Variants in OXNAD1 observed in about 807,000 individuals in gnomAD.
OXNAD1 encodes oxidoreductase NAD binding domain containing 1.
OXNAD1 carries 34 observed loss-of-function variants against 32.9 expected under a neutral mutation model. The ratio of observed to expected loss-of-function variants is 1.03; its 90% CI spans 0.79 to 1.38. The LOEUF (loss-of-function observed/expected upper bound fraction) is 1.38, where lower values mean the gene tolerates loss of function less well. Ranked by LOEUF, OXNAD1 falls within the 40% of genes most tolerant of loss-of-function variation. The pLI, the probability that OXNAD1 is intolerant of heterozygous loss-of-function variation, is 0.00. For synonymous variants in OXNAD1, 134 were observed against 135.2 expected (o/e 0.99, Z 0.06); for missense variants, 407 against 379.4 (o/e 1.07, Z -0.60).
intron 9 of OXNAD1, among the ~76,000 whole-genome samples, chr3:16,318,596 G>A (rs1437345146): frequency 2.8e-5 from 4 of 140,492 alleles, no homozygotes; most frequent in African/African-American, 9.9e-5. Flanking sequence ...ACAGAATTCT[G>A]AGATTTAATA....
chr3:16,271,173 CT>C lies in OXNAD1; in HGVS notation c.119+104del. 7.3e-7 allele frequency: 1 copy of C among 1,365,380 alleles called. No homozygotes were observed. The allele number at this position is 1,365,380 out of a possible 1,614,324, so 84.6% of individuals were successfully genotyped here. Reference sequence around the variant, plus strand: ...TATCAAACTCCCGGAAAGGTAACACCTTAGCTTCAATGTGCATGCTGTCAGG... The same window carrying C: ...TATCAAACTCCCGGAAAGGTAACACCTAGCTTCAATGTGCATGCTGTCAGG... On this transcript the variant is annotated intron_variant, in intron 3 of 8. Transcript: ENST00000285083. The surrounding 1 kb of genome is among the most constrained non-coding windows in gnomAD (Gnocchi z 4.6).
intron 9 of OXNAD1, among the ~76,000 whole-genome samples, chr3:16,330,616 C>T (rs1409414908): frequency 2.6e-5 from 4 of 152,208 alleles, no homozygotes; most frequent in Non-Finnish European, 4.4e-5. Flanking sequence ...GTGGTGGATA[C>T]GTAATCTCCG....
Position 16,314,409 on chromosome 3 carries a change from G to A in OXNAD1, c.*30+10817G>A, listed in dbSNP as rs2068190157. On this transcript the variant is annotated intron_variant, in intron 9 of 9. Coordinates refer to the OXNAD1 transcript ENST00000435829. This position sits in a 1 kb window ranked among gnomAD's most constrained non-coding sequence, Gnocchi z 4.4. ...TCAACTGACAGAGACCCTGTGGCCA[G>A]TGGTATTCAACTTTGGCTGCACCTA... 1 of 152,176 alleles carries A rather than the reference G, an allele frequency of 6.6e-6. No individual in the cohort carries two copies. Among genetic ancestry groups the A allele is most frequent in the Non-Finnish European group, 1.5e-5 (1 of 68,042 alleles). 9.4% of individuals were successfully genotyped at this position (152,176 alleles called of 1,614,324 possible). A position where few individuals can be genotyped will look rare whatever the true frequency, so the allele number is the denominator to read the frequency against.
intron 4 of OXNAD1, chr3:16,272,251 A>C (rs1423542338): frequency 2.4e-6 from 1 of 418,802 alleles, no homozygotes; most frequent in Non-Finnish European, 4.7e-6. Flanking sequence ...TATTCAGACT[A>C]TAGAAAGCTA....
chr3:16,310,250 G>C (rs1185921056), downstream of OXNAD1, among the ~76,000 whole-genome samples: 3 of 152,300 alleles, frequency 2.0e-5, no homozygotes, highest in African/African-American at 4.8e-5. Context: ...TGTGGACCTA[G>C]AAACTGGTAA....
At chr3:16,276,575 TA>T (rs1317384757) in intron 4 of OXNAD1, 1 of 163,192 alleles carries the variant, frequency 6.1e-6, no homozygotes, top group Non-Finnish European at 1.3e-5. Context: ...AGGAAATGGG[TA>T]AAAACTCAGC....
Position 16,345,264 on chromosome 3 carries a change from T to TTTGTGTG in OXNAD1, c.*31-3911_*31-3910insTGTGTGT, listed in dbSNP as rs1491581919. ...AAACTGTAAGATAATAAGTAGGTGG[T>TTTGTGTG]TGTGTGTGTGTGTGTGTGTGTGTGT... On this transcript the variant is annotated intron_variant, in intron 9 of 9. Transcript: ENST00000606098. This position sits in a 1 kb window ranked among gnomAD's most constrained non-coding sequence, Gnocchi z 5.2. The TTTGTGTG allele has an allele frequency of 3.4e-5, 5 of 145,836 alleles. No homozygotes were observed. The highest frequency in any genetic ancestry group is 7.9e-5 in the African/African-American group (3 of 37,754). 9.0% of individuals were successfully genotyped at this position (145,836 alleles called of 1,614,324 possible).
downstream of OXNAD1, among the ~76,000 whole-genome samples, chr3:16,340,959 A>G (rs1641752463): frequency 1.3e-5 from 2 of 152,266 alleles, no homozygotes; most frequent in South Asian, 4.1e-4. Context: ...AGACTAAACA[A>G]TAAGACAACA....
In OXNAD1 at chr3:16,265,859, T is replaced by G. The variant is rs2064455596; in HGVS notation, c.-159+354T>G. On this transcript the variant is annotated intron_variant, in intron 1 of 8. Coordinates refer to ENST00000285083, the MANE Select transcript of OXNAD1 (RefSeq NM_138381.5). This position sits in a 1 kb window ranked among gnomAD's most constrained non-coding sequence, Gnocchi z 4.8. ...CCAAAGCCCAGGAACAAATTACTTA[T>G]GTGAGTACCAGTTTTTTCGTTGTGA... 1.0e-6 allele frequency: 1 copy of G among 985,214 alleles called. No homozygotes were observed. Among genetic ancestry groups the G allele is most frequent in the Non-Finnish European group, 1.2e-6 (1 of 829,712 alleles). The allele number at this position is 985,214 out of a possible 1,614,324, so 61.0% of individuals were successfully genotyped here.
chr3:16,306,393 A>G (rs982606926), downstream of OXNAD1, among the ~76,000 whole-genome samples: 1 of 152,150 alleles, frequency 6.6e-6, no homozygotes, highest in African/African-American at 2.4e-5. Flanking sequence ...TCTTCAGTAT[A>G]TATTTCTAAC....
At position 16,327,919 on chromosome 3, in the gene OXNAD1, G is replaced by GC. The variant is rs200966609; in HGVS notation, c.*31-9188dup. On this transcript the variant is annotated intron_variant, in intron 9 of 9. Transcript: ENST00000435829. The surrounding 1 kb of genome is among the most constrained non-coding windows in gnomAD (Gnocchi z 4.2). ...GTTCCTCACTAACACTCAAAGTGTA[G>GC]CCCCCACCCCTGCTCTGTGTGTAAC... 1.9e-4 allele frequency among the ~76,000 whole-genome samples: 29 copies of GC among 152,156 alleles called. No homozygotes were observed. Among genetic ancestry groups the GC allele is most frequent in the African/African-American group, 6.5e-4 (27 of 41,440 alleles).
At position 16,317,703 on chromosome 3, in the gene OXNAD1, T is replaced by C. The variant is rs1393917386; in HGVS notation, c.*30+14111T>C. The stretch of plus-strand genomic sequence containing the variant: ...CCTGAGTAAGGCAGGGCCCAGAACA[T>C]GGGGCAGACACTGTGCTGTACCGCT... On this transcript the variant is annotated intron_variant, in intron 9 of 9. Transcript: ENST00000435829. This position sits in a 1 kb window ranked among gnomAD's most constrained non-coding sequence, Gnocchi z 4.3. Among the ~76,000 whole-genome samples the C allele has an allele frequency of 1.3e-5, 2 of 152,080 alleles. No individual in the cohort carries two copies. The highest frequency in any genetic ancestry group is 2.4e-5 in the African/African-American group (1 of 41,386).
rs2071600610 is a variant in OXNAD1 at position 16,345,582 on chromosome 3, T to A, written c.*31-3594T>A. Among the ~76,000 whole-genome samples, 1 of 152,102 alleles carries A rather than the reference T, an allele frequency of 6.6e-6. No homozygotes were observed. Among genetic ancestry groups the A allele is most frequent in the Non-Finnish European group, 1.5e-5 (1 of 68,028 alleles). On this transcript the variant is annotated intron_variant, in intron 9 of 9. Coordinates refer to the OXNAD1 transcript ENST00000606098. The surrounding 1 kb of genome is among the most constrained non-coding windows in gnomAD (Gnocchi z 5.2). ...GAAGGCTGAATTAACACCGCCTGACTGCTTGAACAGGAACGTCCATCTTCT... is the reference window on the plus strand; with the variant it reads ...GAAGGCTGAATTAACACCGCCTGACAGCTTGAACAGGAACGTCCATCTTCT...
In OXNAD1 at chr3:16,348,235, A is replaced by G. The variant is rs1177745158; in HGVS notation, c.*31-941A>G. Among the ~76,000 whole-genome samples, 1 of 152,102 alleles carries G rather than the reference A, an allele frequency of 6.6e-6. No homozygotes were observed. The highest frequency in any genetic ancestry group is 6.6e-5 in the Admixed American group (1 of 15,266). On this transcript the variant is annotated intron_variant, in intron 9 of 9. Coordinates refer to the OXNAD1 transcript ENST00000606098. The surrounding 1 kb of genome is among the most constrained non-coding windows in gnomAD (Gnocchi z 6.3). The stretch of plus-strand genomic sequence containing the variant: ...GTTTGAGGTGAAAGCATGATGGTAA[A>G]AAGGAAGCCGAGGCATCTAGATCAC...
rs760814875 is a variant in OXNAD1, at chr3:16,288,143, G to A, written c.290+1695G>A. 7.2e-5 allele frequency among the ~76,000 whole-genome samples: 11 copies of A among 152,158 alleles called. No homozygotes were observed. The highest frequency in any genetic ancestry group is 1.5e-4 in the Non-Finnish European group (10 of 68,032). ...CAGAATGGCCATTTTGCTGAGGTTG[G>A]CGGTGTCTGTCCCTTCCATGCTGTT... On this transcript the variant is annotated intron_variant, in intron 5 of 8. Coordinates refer to ENST00000285083, the MANE Select transcript of OXNAD1 (RefSeq NM_138381.5). This position sits in a 1 kb window ranked among gnomAD's most constrained non-coding sequence, Gnocchi z 5.1.
In OXNAD1 at chr3:16,314,685, G is replaced by A. The variant is rs972297402; in HGVS notation, c.*30+11093G>A. 9 of 149,242 alleles carry A rather than the reference G, an allele frequency of 6.0e-5. No individual in the cohort carries two copies. Among genetic ancestry groups the A allele is most frequent in the Admixed American group, 5.9e-4 (9 of 15,254 alleles). The allele number at this position is 149,242 out of a possible 1,614,324, so 9.2% of individuals were successfully genotyped here. A position where few individuals can be genotyped will look rare whatever the true frequency, so the allele number is the denominator to read the frequency against. On this transcript the variant is annotated intron_variant, in intron 9 of 9. Transcript: ENST00000435829. This position sits in a 1 kb window ranked among gnomAD's most constrained non-coding sequence, Gnocchi z 4.4. ...TGACACTAGGGCCAAACTCTCTTGA[G>A]GAATTCAAATTATTGTCACCTTTTT... is the stretch of plus-strand genomic sequence containing the variant.
chr3:16,311,791 T>TA (rs1015595947), intron 9 of OXNAD1, among the ~76,000 whole-genome samples: 1 of 152,110 alleles, frequency 6.6e-6, no homozygotes, highest in African/African-American at 2.4e-5. Context: ...AAAGACGTTT[T>TA]AAAAAAATGC....
chr3:16,281,577 C>T (rs2065742315), intron 4 of OXNAD1, among the ~76,000 whole-genome samples: 1 of 152,198 alleles, frequency 6.6e-6, no homozygotes. Context: ...GATACTCAGC[C>T]TGTCATACCA....
intron 9 of OXNAD1, among the ~76,000 whole-genome samples, chr3:16,330,450 C>A (rs1027758888): frequency 6.6e-6 from 1 of 152,166 alleles, no homozygotes; most frequent in African/African-American, 2.4e-5. Flanking sequence ...GAAACATATC[C>A]GGATGGAAGG....
Sources: gnomAD v4.1 joint callset for allele counts (sites outside exome capture counted in the v4.1 genomes callset) on GRCh38, gnomAD v4.1.1 for gene constraint, Gnocchi (gnomAD v3.1) non-coding constraint, MANE v1.5 for transcripts, NCBI Gene and HGNC (gene_info 2026-07-23, HGNC 2026-07-21) for gene names.